NCS1: variants seen among roughly 807,000 people sequenced by gnomAD.
NCS1 encodes the protein frequenin homolog.
In NCS1, 6 loss-of-function variants were observed where a neutral mutation model predicts 28.4. The observed-to-expected ratio is 0.21, with a 90% CI of 0.12 to 0.42. The LOEUF is 0.42. Ranked by LOEUF, NCS1 falls within the 10% of genes least tolerant of loss-of-function variation. The pLI is 1.00. For synonymous variants in NCS1, 86 were observed against 99.3 expected (o/e 0.87, Z 0.79); for missense variants, 131 against 241.4 (o/e 0.54, Z 3.03).
In NCS1 at chr9:130,234,778, C is replaced by T. The variant is rs1171747347; in HGVS notation, c.*1806C>T. The T allele has an allele frequency of 6.6e-6, 1 of 152,256 alleles. No homozygotes were observed. The highest frequency in any genetic ancestry group is 1.5e-5 in the Non-Finnish European group (1 of 68,094). 9.4% of individuals were successfully genotyped at this position (152,256 alleles called of 1,614,324 possible). ...GCAGCATTTCCTGGTTCCCCCCAGA[C>T]CCTTGAGCGCTCTTTGGGACCCAGA... On this transcript the variant is annotated 3_prime_UTR_variant, in exon 8 of 8. Transcript: ENST00000372398. The surrounding 1 kb of genome is among the most constrained non-coding windows in gnomAD (Gnocchi z 6.1).
chr9:130,199,946 C>T (rs1216808792), intron 1 of NCS1, among the ~76,000 whole-genome samples: 4 of 143,812 alleles, frequency 2.8e-5, no homozygotes, highest in African/African-American at 7.9e-5. Flanking sequence ...CAGTATTGAG[C>T]ACATTTGAGG....
chr9:130,210,843 C>CTTTTTTT (rs3055582), intron 2 of NCS1, among the ~76,000 whole-genome samples: 32 of 141,060 alleles, frequency 2.3e-4, no homozygotes, highest in African/African-American at 7.8e-4. Flanking sequence ...TTTTTCTTTT[C>CTTTTTTT]TTTTTTTTTT....
In NCS1 at chr9:130,212,640, G is replaced by A. The variant is rs564299631; in HGVS notation, c.90-5192G>A. Among the ~76,000 whole-genome samples, 8 of 151,702 alleles carry A rather than the reference G, an allele frequency of 5.3e-5. No individual in the cohort carries two copies. The East Asian group carries it at 1.2e-3, about 22-fold the overall frequency. On this transcript the variant is annotated intron_variant, in intron 2 of 7. Transcript: ENST00000372398. ...GTCCCAGCACCAGAGCAGGTCTGGC[G>A]GCAGCGTGTCTGAAGGAGAGAGGGA...
intron 1 of NCS1, among the ~76,000 whole-genome samples, chr9:130,187,518 G>A (rs1832753903): frequency 6.6e-6 from 1 of 152,130 alleles, no homozygotes; most frequent in Non-Finnish European, 1.5e-5. Flanking sequence ...TGGAACACAT[G>A]TCCTAAAACC....
chr9:130,210,324 GGGAGGC>G (rs1376325836), intron 2 of NCS1, among the ~76,000 whole-genome samples: 1 of 151,748 alleles, frequency 6.6e-6, no homozygotes, highest in Non-Finnish European at 1.5e-5. Context: ...GCTTGAACCT[GGGAGGC>G]GGAAGTTGCA....
In NCS1 at chr9:130,186,712, G is replaced by A. The variant is rs1832742693; in HGVS notation, c.64+13985G>A. Among the ~76,000 whole-genome samples the A allele has an allele frequency of 6.6e-6, 1 of 152,178 alleles. No homozygotes were observed. Among genetic ancestry groups the A allele is most frequent in the Non-Finnish European group, 1.5e-5 (1 of 68,042 alleles). On this transcript the variant is annotated intron_variant, in intron 1 of 7. Coordinates refer to ENST00000372398, the MANE Select transcript of NCS1 (RefSeq NM_014286.4). The surrounding 1 kb of genome is among the most constrained non-coding windows in gnomAD (Gnocchi z 4.1). Reference sequence around the variant, plus strand: ...TCTAATGTCATGGCCAGTAGAGCAGGGAGCCCTCTGGATGGAAGCCCTGAG... The same window carrying A: ...TCTAATGTCATGGCCAGTAGAGCAGAGAGCCCTCTGGATGGAAGCCCTGAG...
chr9:130,188,277 T>A (rs1316630164), intron 1 of NCS1, among the ~76,000 whole-genome samples: 1 of 152,220 alleles, frequency 6.6e-6, no homozygotes, highest in South Asian at 2.1e-4. Context: ...CCTCTGAGGC[T>A]TGGACCTGCA....
intron 5 of NCS1, 98 bp downstream of exon 5, chr9:130,222,836 C>A: frequency 7.8e-7 from 1 of 1,288,730 alleles, no homozygotes; most frequent in South Asian, 1.2e-5. Context: ...TGCTCCTGCC[C>A]AGGGTGGAAG....
Position 130,190,340 on chromosome 9 carries a change from A to G in NCS1, c.65-10618A>G, listed in dbSNP as rs1191785712. 3.9e-5 allele frequency among the ~76,000 whole-genome samples: 6 copies of G among 152,096 alleles called. No individual in the cohort carries two copies. The East Asian group carries it at 9.6e-4, about 24-fold the overall frequency. On this transcript the variant is annotated intron_variant, in intron 1 of 7. Transcript: ENST00000372398. Reference sequence around the variant, plus strand: ...GCACTCACAGAGACAGAACAAAACCATTTCTCATACAGCTTCTCTGAGGCC... The same window carrying G: ...GCACTCACAGAGACAGAACAAAACCGTTTCTCATACAGCTTCTCTGAGGCC...
At chr9:130,231,387 G>A (rs928513514) in intron 7 of NCS1, among the ~76,000 whole-genome samples, 10 of 151,610 alleles carry the variant, frequency 6.6e-5, no homozygotes, top group Non-Finnish European at 1.5e-4. Flanking sequence ...TATTTTTTAT[G>A]TATTTATTTT....
chr9:130,215,438 G>C lies in NCS1; in HGVS notation c.90-2394G>C, dbSNP rs1338755377. 6.6e-6 allele frequency among the ~76,000 whole-genome samples: 1 copy of C among 152,204 alleles called. No individual in the cohort carries two copies. The highest frequency in any genetic ancestry group is 1.5e-5 in the Non-Finnish European group (1 of 68,044). ...GAACAGACCTCAGGGCTGAGCAGAG[G>C]CCAGTAGACCCTGAGAGTCCTGCCA... is the stretch of plus-strand genomic sequence containing the variant. On this transcript the variant is annotated intron_variant, in intron 2 of 7. Transcript: ENST00000372398. The surrounding 1 kb of genome is among the most constrained non-coding windows in gnomAD (Gnocchi z 4.2).
In NCS1 at chr9:130,233,930, G is replaced by T. The variant is rs1042185234; in HGVS notation, c.*958G>T. On this transcript the variant is annotated 3_prime_UTR_variant, in exon 8 of 8. Coordinates refer to ENST00000372398, the MANE Select transcript of NCS1 (RefSeq NM_014286.4). The surrounding 1 kb of genome is among the most constrained non-coding windows in gnomAD (Gnocchi z 4.8). The stretch of plus-strand genomic sequence containing the variant: ...CCTTTTCCCTGCTGCCTCTGTCCCC[G>T]CATCCTTGTTCTCCCCTGGGTCCGT... 1 of 152,046 alleles carries T rather than the reference G, an allele frequency of 6.6e-6. No individual in the cohort carries two copies. Among genetic ancestry groups the T allele is most frequent in the African/African-American group, 2.4e-5 (1 of 41,352 alleles). 9.4% of individuals were successfully genotyped at this position (152,046 alleles called of 1,614,324 possible).
chr9:130,226,313 C>A lies in NCS1; in HGVS notation c.475-76C>A, dbSNP rs1217829811. 18 of 1,292,998 alleles carry A rather than the reference C, an allele frequency of 1.4e-5. No individual in the cohort carries two copies. Among genetic ancestry groups the A allele is most frequent in the Non-Finnish European group, 2.0e-5 (18 of 899,560 alleles). 80.1% of individuals were successfully genotyped at this position (1,292,998 alleles called of 1,614,324 possible). A position where few individuals can be genotyped will look rare whatever the true frequency, so the allele number is the denominator to read the frequency against. On this transcript the variant is annotated intron_variant, in intron 6 of 7. Transcript: ENST00000372398. The surrounding 1 kb of genome is among the most constrained non-coding windows in gnomAD (Gnocchi z 4.8). ...TCTAACCTTGGAAGGGCTCTTGGGA[C>A]CGGCCCTGGGCTGGGCTTGTCTAGA...
rs557427309 is a variant in NCS1, at chr9:130,234,345, A to G, written c.*1373A>G. 1.3e-5 allele frequency: 2 copies of G among 152,378 alleles called. No homozygotes were observed. Among genetic ancestry groups the G allele is most frequent in the East Asian group, 3.9e-4 (2 of 5,176 alleles). The allele number at this position is 152,378 out of a possible 1,614,324, so 9.4% of individuals were successfully genotyped here. Reference sequence around the variant, plus strand: ...CCCTACACCTGGGGCTGCGGCCCACATGTCTTCACGGAGGCTTCCAGCGGT... The same window carrying G: ...CCCTACACCTGGGGCTGCGGCCCACGTGTCTTCACGGAGGCTTCCAGCGGT... On this transcript the variant is annotated 3_prime_UTR_variant, in exon 8 of 8. Transcript: ENST00000372398. This position sits in a 1 kb window ranked among gnomAD's most constrained non-coding sequence, Gnocchi z 6.1.
chr9:130,203,136 A>ATATATATATTTT (rs1471670630), intron 2 of NCS1, among the ~76,000 whole-genome samples: 1 of 108,456 alleles, frequency 9.2e-6, no homozygotes, highest in African/African-American at 3.5e-5. Flanking sequence ...ATATATATAT[A>ATATATATATTTT]TTTTTTTTTT....
intron 1 of NCS1, among the ~76,000 whole-genome samples, chr9:130,183,798 CCTT>C (rs1302791097): frequency 2.7e-5 from 4 of 149,212 alleles, no homozygotes; most frequent in Non-Finnish European, 4.5e-5. Flanking sequence ...TCCCTTCCCT[CCTT>C]CTTTTCTTTT....
At chr9:130,199,900 C>CATTCATTT (rs375950351) in intron 1 of NCS1, among the ~76,000 whole-genome samples, 2,017 of 151,270 alleles carry the variant, frequency 0.013, 43 homozygotes, top group Middle Eastern at 0.055. Context: ...TTCATGTGTT[C>CATTCATTT]ATTCATTCAT....
At chr9:130,204,247 T>C (rs1168556045) in intron 2 of NCS1, among the ~76,000 whole-genome samples, 1 of 152,052 alleles carries the variant, frequency 6.6e-6, no homozygotes, top group Non-Finnish European at 1.5e-5. Flanking sequence ...TCTGCCCTCC[T>C]CGGCCTCCCA....
chr9:130,222,760 G>A (rs372274915), intron 5 of NCS1, 22 bp downstream of exon 5: 14 of 1,611,220 alleles, frequency 8.7e-6, no homozygotes, highest in Non-Finnish European at 1.2e-5. Flanking sequence ...GGTCTCGTGT[G>A]GTTAGGGGTG....
Sources: allele counts gnomAD v4.1 joint callset (sites outside exome capture counted in the v4.1 genomes callset), GRCh38; gene constraint gnomAD v4.1.1; non-coding constraint Gnocchi (gnomAD v3.1); transcripts MANE v1.5; gene names NCBI Gene and HGNC (gene_info 2026-07-23, HGNC 2026-07-21).